HRH1: variants seen among roughly 807,000 people sequenced by gnomAD.
HRH1 encodes histamine receptor H1, also known as histamine H1 receptor.
HRH1 carries 6 observed loss-of-function variants against 10.3 expected under a neutral mutation model. The observed-to-expected ratio is 0.58, with a 90% CI of 0.32 to 1.15. HRH1 has a LOEUF of 1.15. Ranked by LOEUF, HRH1 falls within the 50% of genes most tolerant of loss-of-function variation. The pLI, the probability that HRH1 is intolerant of heterozygous loss-of-function variation, is 0.05. For synonymous variants in HRH1, 242 were observed against 236.7 expected (o/e 1.02, Z -0.21); for missense variants, 514 against 615.3 (o/e 0.84, Z 1.74).
intron 1 of HRH1, among the ~76,000 whole-genome samples, chr3:11,211,552 G>A (rs1226045473): frequency 6.6e-6 from 1 of 152,250 alleles, no homozygotes; most frequent in Admixed American, 6.5e-5. Context: ...CTCTCCAGCT[G>A]TGGCTTGTAT....
chr3:11,202,177 G>A (rs1004606075), intron 1 of HRH1, among the ~76,000 whole-genome samples: 6 of 152,216 alleles, frequency 3.9e-5, no homozygotes, highest in African/African-American at 1.2e-4. Flanking sequence ...GCCAAGGGGG[G>A]CAGATCATGT....
At chr3:11,230,291 G>T (rs1346150566) in intron 1 of HRH1, among the ~76,000 whole-genome samples, 4 of 152,160 alleles carry the variant, frequency 2.6e-5, no homozygotes, top group African/African-American at 4.8e-5. Flanking sequence ...CTGGCCTTGG[G>T]TGCCAAGATG....
chr3:11,252,516 C>T (rs1939679765), intron 1 of HRH1, among the ~76,000 whole-genome samples: 1 of 152,152 alleles, frequency 6.6e-6, no homozygotes, highest in Non-Finnish European at 1.5e-5. Context: ...GTAAGACTGT[C>T]CATCAGTATT....
intron 1 of HRH1, among the ~76,000 whole-genome samples, chr3:11,186,697 G>A (rs73016488): frequency 0.17 from 26,461 of 152,090 alleles, 2,676 homozygotes; most frequent in Admixed American, 0.32. Context: ...TGTAGCACAG[G>A]CTGGGGGACC....
chr3:11,211,022 A>G (rs1938310556), intron 1 of HRH1, among the ~76,000 whole-genome samples: 1 of 152,254 alleles, frequency 6.6e-6, no homozygotes. Context: ...TGACAACGTC[A>G]TAGCTCTTAA....
At chr3:11,222,765 C>G (rs1324919323) in intron 1 of HRH1, among the ~76,000 whole-genome samples, 1 of 152,134 alleles carries the variant, frequency 6.6e-6, no homozygotes, top group Non-Finnish European at 1.5e-5. Flanking sequence ...AACTCTCCAT[C>G]CTAAGACAAC....
chr3:11,137,618 T>C (rs1032729309), intron 1 of HRH1, among the ~76,000 whole-genome samples: 1 of 152,232 alleles, frequency 6.6e-6, no homozygotes. Context: ...TGGGCTGTGA[T>C]GGCTGATTGG....
intron 1 of HRH1, among the ~76,000 whole-genome samples, chr3:11,200,659 A>G (rs562170458): frequency 3.9e-5 from 6 of 152,358 alleles, no homozygotes; most frequent in Admixed American, 2.6e-4. Flanking sequence ...CGCACAGAGT[A>G]GAAACTTGAA....
chr3:11,205,554 A>G (rs1196931296), intron 1 of HRH1, among the ~76,000 whole-genome samples: 2 of 152,104 alleles, frequency 1.3e-5, no homozygotes, highest in Non-Finnish European at 2.9e-5. Context: ...CATGGGAAGT[A>G]CTCAGCAAGC....
At chr3:11,201,593 A>C (rs577470820) in intron 1 of HRH1, among the ~76,000 whole-genome samples, 23 of 151,992 alleles carry the variant, frequency 1.5e-4, no homozygotes, top group Non-Finnish European at 3.4e-4. Flanking sequence ...GTTCATAAGG[A>C]CCTGAGGTTA....
At chr3:11,252,115 A>G (rs1286333152) in intron 1 of HRH1, among the ~76,000 whole-genome samples, 1 of 152,216 alleles carries the variant, frequency 6.6e-6, no homozygotes, top group Non-Finnish European at 1.5e-5. Flanking sequence ...GTAATTGCCA[A>G]ATGATGGGGT....
At chr3:11,208,770 A>G (rs913369390) in intron 1 of HRH1, among the ~76,000 whole-genome samples, 22 of 152,254 alleles carry the variant, frequency 1.4e-4, no homozygotes, top group African/African-American at 4.8e-4. Flanking sequence ...GTGTGCTAAC[A>G]TGGGACCAGT....
chr3:11,144,713 G>A (rs971506262), intron 1 of HRH1, among the ~76,000 whole-genome samples: 3 of 151,664 alleles, frequency 2.0e-5, no homozygotes, highest in African/African-American at 7.3e-5. Flanking sequence ...AAAAGCAGAA[G>A]CAGGAGCCAA....
upstream of HRH1, among the ~76,000 whole-genome samples, chr3:11,154,305 G>C (rs1002660717): frequency 1.3e-5 from 2 of 151,818 alleles, no homozygotes; most frequent in Non-Finnish European, 2.9e-5. This position sits in a 1 kb window ranked among gnomAD's most constrained non-coding sequence, Gnocchi z 4.4. Context: ...CGAGAGGCGC[G>C]CCCCTCGCGC....
chr3:11,156,641 G>A (rs926325215), intron 1 of HRH1, among the ~76,000 whole-genome samples: 1 of 152,160 alleles, frequency 6.6e-6, no homozygotes, highest in African/African-American at 2.4e-5. Flanking sequence ...CCGTTCCTTG[G>A]TTTCCCCATT....
At chr3:11,207,698 A>G (rs540488281) in intron 1 of HRH1, among the ~76,000 whole-genome samples, 1 of 152,222 alleles carries the variant, frequency 6.6e-6, no homozygotes, top group African/African-American at 2.4e-5. Context: ...GGGGTCATTC[A>G]AAAAGCTTCC....
At chr3:11,167,499 C>T (rs554864400) in intron 1 of HRH1, among the ~76,000 whole-genome samples, 24 of 149,350 alleles carry the variant, frequency 1.6e-4, no homozygotes, top group African/African-American at 5.4e-4. Context: ...TCTCCAGGCC[C>T]GTGACATCTG....
intron 1 of HRH1, among the ~76,000 whole-genome samples, chr3:11,144,669 G>C (rs1470445314): frequency 2.0e-5 from 3 of 151,672 alleles, no homozygotes; most frequent in Non-Finnish European, 2.9e-5. Context: ...GGAGGAGCAG[G>C]TCTTCCTGGG....
intron 1 of HRH1, among the ~76,000 whole-genome samples, chr3:11,230,397 ACAGAGTCATCGGCACCAGTC>A (rs1188802689): frequency 6.6e-6 from 1 of 152,226 alleles, no homozygotes; most frequent in African/African-American, 2.4e-5. Flanking sequence ...CTATTAAAAA[ACAGAGTCATCGGCACCAGTC>A]CAGACCTACT....
Sources: allele counts gnomAD v4.1 joint callset (sites outside exome capture counted in the v4.1 genomes callset), GRCh38; gene constraint gnomAD v4.1.1; non-coding constraint Gnocchi (gnomAD v3.1); transcripts MANE v1.5; gene names NCBI Gene and HGNC (gene_info 2026-07-23, HGNC 2026-07-21).